NDUFAF2: variants seen among roughly 807,000 people sequenced by gnomAD.
NDUFAF2 encodes NADH:ubiquinone oxidoreductase complex assembly factor 2.
NDUFAF2 carries 13 observed loss-of-function variants against 22.8 expected under a neutral mutation model. That is an observed-to-expected ratio of 0.57 (90% confidence interval 0.37 to 0.91). The LOEUF (loss-of-function observed/expected upper bound fraction) is 0.91. Ranked by LOEUF, NDUFAF2 falls within the 40% of genes least tolerant of loss-of-function variation. NDUFAF2 has a pLI of 0.01. For missense variants in NDUFAF2, 162 were observed against 195.2 expected, an observed-to-expected ratio of 0.83 and a Z score of 1.01; for synonymous variants, 53 against 64.2, an observed-to-expected ratio of 0.83 and a Z score of 0.84.
intron 2 of NDUFAF2, among the ~76,000 whole-genome samples, chr5:61,088,313 T>A (rs1366738890): frequency 1.3e-5 from 2 of 152,078 alleles, no homozygotes; most frequent in Non-Finnish European, 2.9e-5. Flanking sequence ...TGCCGTGTTC[T>A]TATAATTAGA....
chr5:61,002,147 A>G (rs1421926249), intron 1 of NDUFAF2, among the ~76,000 whole-genome samples: 1 of 151,930 alleles, frequency 6.6e-6, no homozygotes, highest in African/African-American at 2.4e-5. Context: ...AAGGAGCTCA[A>G]CTCAACTCTT....
chr5:61,137,950 T>G (rs1740988914), intron 3 of NDUFAF2, among the ~76,000 whole-genome samples: 2 of 152,224 alleles, frequency 1.3e-5, no homozygotes, highest in Non-Finnish European at 2.9e-5. Flanking sequence ...TAGCTGGGCC[T>G]TTATGGCCCT....
intron 1 of NDUFAF2, among the ~76,000 whole-genome samples, chr5:60,983,106 A>T (rs964819393): frequency 1.3e-5 from 2 of 150,992 alleles, no homozygotes; most frequent in Non-Finnish European, 2.9e-5. Context: ...CTGGTGTGAG[A>T]TGGTATCTCA....
intron 1 of NDUFAF2, among the ~76,000 whole-genome samples, chr5:61,007,947 A>T (rs1230236273): frequency 6.6e-6 from 1 of 152,168 alleles, no homozygotes; most frequent in Non-Finnish European, 1.5e-5. Flanking sequence ...TGTGGCACAT[A>T]TACACCATGG....
intron 1 of NDUFAF2, among the ~76,000 whole-genome samples, chr5:60,982,991 G>A (rs1190396610): frequency 1.3e-5 from 2 of 151,772 alleles, no homozygotes; most frequent in African/African-American, 2.4e-5. Context: ...TTCCACAATG[G>A]TTGAACTAGT....
At chr5:61,020,204 C>T (rs76851396) in intron 1 of NDUFAF2, among the ~76,000 whole-genome samples, 2 of 152,036 alleles carry the variant, frequency 1.3e-5, no homozygotes, top group African/African-American at 4.8e-5. Flanking sequence ...TAATTATTTT[C>T]AAAGAACTAG....
At chr5:61,095,204 G>A (rs564762142) in intron 2 of NDUFAF2, among the ~76,000 whole-genome samples, 13 of 152,294 alleles carry the variant, frequency 8.5e-5, no homozygotes, top group African/African-American at 2.9e-4. Context: ...TGCCCGGGGA[G>A]GAGGAACAGA....
chr5:61,008,278 T>G (rs1303112418), intron 1 of NDUFAF2, among the ~76,000 whole-genome samples: 1 of 152,050 alleles, frequency 6.6e-6, no homozygotes, highest in East Asian at 1.9e-4. Flanking sequence ...ATTGTGCACA[T>G]GTACCCTAAA....
At chr5:61,123,151 T>C (rs1752996153) in intron 3 of NDUFAF2, among the ~76,000 whole-genome samples, 1 of 152,144 alleles carries the variant, frequency 6.6e-6, no homozygotes, top group African/African-American at 2.4e-5. Context: ...CTTCCCTGTT[T>C]CATATTCTCC....
At chr5:61,071,903 T>A (rs1377381161) in intron 1 of NDUFAF2, among the ~76,000 whole-genome samples, 1 of 152,226 alleles carries the variant, frequency 6.6e-6, no homozygotes, top group Non-Finnish European at 1.5e-5. Context: ...AAAGATATAA[T>A]GAAGACTTTC....
At chr5:61,053,966 T>C (rs1580114713) in intron 1 of NDUFAF2, among the ~76,000 whole-genome samples, 1 of 152,178 alleles carries the variant, frequency 6.6e-6, no homozygotes, top group East Asian at 1.9e-4. Context: ...AAATAAAACA[T>C]ATGAGGTGGT....
At chr5:61,108,007 T>G (rs1005837331) in intron 3 of NDUFAF2, among the ~76,000 whole-genome samples, 4 of 151,128 alleles carry the variant, frequency 2.6e-5, no homozygotes, top group Admixed American at 2.6e-4. Flanking sequence ...CATCATTTTT[T>G]ATGGCTGCAT....
At chr5:60,990,060 A>G (rs1751138055) in intron 1 of NDUFAF2, among the ~76,000 whole-genome samples, 1 of 152,206 alleles carries the variant, frequency 6.6e-6, no homozygotes, top group South Asian at 2.1e-4. Context: ...CAGAAAGACA[A>G]ACTTCATATA....
At chr5:61,121,462 C>CA (rs1298977481) in intron 3 of NDUFAF2, among the ~76,000 whole-genome samples, 2 of 152,064 alleles carry the variant, frequency 1.3e-5, no homozygotes, top group Non-Finnish European at 2.9e-5. Context: ...TATCAGTGTA[C>CA]AAAGGCTTAC....
chr5:61,020,354 G>A (rs1751562397), intron 1 of NDUFAF2, among the ~76,000 whole-genome samples: 1 of 151,904 alleles, frequency 6.6e-6, no homozygotes, highest in African/African-American at 2.4e-5. Context: ...TTAAATTTTA[G>A]ATAATCAGTT....
intron 2 of NDUFAF2, among the ~76,000 whole-genome samples, chr5:61,097,784 T>G (rs1159381483): frequency 6.6e-6 from 1 of 152,264 alleles, no homozygotes; most frequent in South Asian, 2.1e-4. Flanking sequence ...TCTTTGCATG[T>G]TGTTCATAAA....
At chr5:60,995,332 G>C (rs560411912) in intron 1 of NDUFAF2, among the ~76,000 whole-genome samples, 1 of 152,260 alleles carries the variant, frequency 6.6e-6, no homozygotes, top group Non-Finnish European at 1.5e-5. Flanking sequence ...TTTTGGGAAG[G>C]CTTTCTAGAT....
intron 2 of NDUFAF2, among the ~76,000 whole-genome samples, chr5:61,076,654 G>T (rs1360210942): frequency 6.6e-6 from 1 of 152,234 alleles, no homozygotes; most frequent in Non-Finnish European, 1.5e-5. Flanking sequence ...GGCTTTTACT[G>T]TGAGACTGGA....
At chr5:61,100,572 C>G (rs1463044688) in intron 3 of NDUFAF2, among the ~76,000 whole-genome samples, 3 of 151,680 alleles carry the variant, frequency 2.0e-5, no homozygotes, top group Admixed American at 6.6e-5. Context: ...CTTTTCCTTC[C>G]TCTTGGCCCT....
Sources: gnomAD v4.1 joint callset for allele counts (sites outside exome capture counted in the v4.1 genomes callset) on GRCh38, gnomAD v4.1.1 for gene constraint, MANE v1.5 for transcripts, NCBI Gene and HGNC (gene_info 2026-07-23, HGNC 2026-07-21) for gene names.